SHISA6: variants seen among roughly 807,000 people sequenced by gnomAD.
The protein encoded by SHISA6 is shisa family member 6, also known as protein shisa-6.
A neutral mutation model predicts 47.9 loss-of-function variants in SHISA6; 22 were observed. The observed-to-expected ratio is 0.46, with a 90% CI of 0.33 to 0.66. The LOEUF is 0.66. Ranked by LOEUF, SHISA6 falls within the 30% of genes least tolerant of loss-of-function variation. The pLI is 0.02. For synonymous variants in SHISA6, 388 were observed against 337.8 expected (o/e 1.15, Z -1.63); for missense variants, 680 against 764.6 (o/e 0.89, Z 1.30).
chr17:11,296,142 C>A (rs1256621858), intron 2 of SHISA6, among the ~76,000 whole-genome samples: 2 of 152,026 alleles, frequency 1.3e-5, no homozygotes, highest in African/African-American at 4.8e-5. Flanking sequence ...GAGGCCAGGG[C>A]ATGCAGAATT....
intron 3 of SHISA6, among the ~76,000 whole-genome samples, chr17:11,502,818 C>T (rs1337336432): frequency 2.6e-5 from 4 of 152,194 alleles, no homozygotes; most frequent in African/African-American, 9.7e-5. Context: ...TCATGCTCAC[C>T]TTTGTATGCA....
At chr17:11,369,017 A>G (rs1473455779) in intron 2 of SHISA6, among the ~76,000 whole-genome samples, 1 of 152,178 alleles carries the variant, frequency 6.6e-6, no homozygotes, top group African/African-American at 2.4e-5. Context: ...TTCCCATTTT[A>G]CAGATGAAGA....
chr17:11,450,997 A>G (rs933865772), intron 3 of SHISA6, among the ~76,000 whole-genome samples: 1 of 121,802 alleles, frequency 8.2e-6, no homozygotes, highest in Non-Finnish European at 1.8e-5. Flanking sequence ...TAGAAAATTA[A>G]AAAAAAAAAA....
At chr17:11,297,262 T>C (rs1018673326) in intron 2 of SHISA6, among the ~76,000 whole-genome samples, 3 of 151,992 alleles carry the variant, frequency 2.0e-5, no homozygotes, top group African/African-American at 7.3e-5. Context: ...CCAAGAGAAG[T>C]TGAGTGTATT....
intron 3 of SHISA6, among the ~76,000 whole-genome samples, chr17:11,416,095 AC>A (rs1597502463): frequency 6.6e-6 from 1 of 152,044 alleles, no homozygotes; most frequent in South Asian, 2.1e-4. Context: ...GGTGGGCTCT[AC>A]CTTCATGACT....
intron 3 of SHISA6, among the ~76,000 whole-genome samples, chr17:11,525,983 T>TG (rs1394804163): frequency 1.3e-5 from 2 of 150,550 alleles, no homozygotes; most frequent in Non-Finnish European, 2.9e-5. Flanking sequence ...CACTCCAGTC[T>TG]GGGCAACAAG....
At chr17:11,536,542 G>T (rs1490032897) in intron 3 of SHISA6, among the ~76,000 whole-genome samples, 1 of 152,120 alleles carries the variant, frequency 6.6e-6, no homozygotes, top group Non-Finnish European at 1.5e-5. Context: ...ATTGTAAGAT[G>T]GGGTGCCTGC....
At chr17:11,533,241 G>T (rs1000656773) in intron 3 of SHISA6, among the ~76,000 whole-genome samples, 1 of 152,076 alleles carries the variant, frequency 6.6e-6, no homozygotes, top group Admixed American at 6.5e-5. Flanking sequence ...CCTCCCACTT[G>T]CATTTCTATA....
chr17:11,372,714 G>A (rs187288474), intron 2 of SHISA6, among the ~76,000 whole-genome samples: 33 of 152,130 alleles, frequency 2.2e-4, no homozygotes, highest in African/African-American at 7.7e-4. Flanking sequence ...TTGAAAGTGT[G>A]TCACTGGGGT....
chr17:11,376,360 C>T (rs533556095), intron 2 of SHISA6, among the ~76,000 whole-genome samples: 6 of 150,920 alleles, frequency 4.0e-5, no homozygotes, highest in African/African-American at 7.3e-5. Flanking sequence ...CTCTGTTGCC[C>T]GGCCTGGAGT....
At chr17:11,464,125 C>T (rs974152254) in intron 3 of SHISA6, among the ~76,000 whole-genome samples, 2 of 152,036 alleles carry the variant, frequency 1.3e-5, no homozygotes, top group Non-Finnish European at 2.9e-5. Context: ...CTATGTTGCC[C>T]AGGCTGGTCT....
chr17:11,389,351 G>A (rs1913310972), intron 3 of SHISA6, among the ~76,000 whole-genome samples: 1 of 152,180 alleles, frequency 6.6e-6, no homozygotes, highest in Non-Finnish European at 1.5e-5. Context: ...GCTTGCGGAA[G>A]TTTCAGCTCT....
chr17:11,486,080 C>T (rs561061074), intron 3 of SHISA6, among the ~76,000 whole-genome samples: 1 of 152,292 alleles, frequency 6.6e-6, no homozygotes, highest in East Asian at 1.9e-4. Context: ...GGCCGCTCTT[C>T]ATTTCTACAA....
chr17:11,384,570 C>T (rs933627909), intron 3 of SHISA6, among the ~76,000 whole-genome samples: 1 of 152,114 alleles, frequency 6.6e-6, no homozygotes, highest in Non-Finnish European at 1.5e-5. Flanking sequence ...CTTTCCAGAA[C>T]CCCCACATTT....
At chr17:11,427,743 CA>C (rs1368892062) in intron 3 of SHISA6, among the ~76,000 whole-genome samples, 24 of 151,860 alleles carry the variant, frequency 1.6e-4, no homozygotes, top group Admixed American at 6.6e-4. Context: ...GTATAAGGGC[CA>C]AAAGGAGGTG....
At chr17:11,476,148 A>G (rs1916045840) in intron 3 of SHISA6, among the ~76,000 whole-genome samples, 1 of 151,950 alleles carries the variant, frequency 6.6e-6, no homozygotes, top group Admixed American at 6.6e-5. Context: ...TTTACTTTCT[A>G]GTATTAGTGA....
At chr17:11,452,891 C>T (rs1206332360) in intron 3 of SHISA6, among the ~76,000 whole-genome samples, 3 of 151,200 alleles carry the variant, frequency 2.0e-5, no homozygotes, top group Non-Finnish European at 4.4e-5. Flanking sequence ...TTTCTCCTCT[C>T]CTCCTCCTCT....
chr17:11,387,717 G>A (rs1318315021), intron 3 of SHISA6, among the ~76,000 whole-genome samples: 2 of 152,148 alleles, frequency 1.3e-5, no homozygotes, highest in Non-Finnish European at 2.9e-5. Flanking sequence ...AATAACAATG[G>A]CCAGGGACTA....
intron 3 of SHISA6, among the ~76,000 whole-genome samples, chr17:11,407,401 A>C (rs1451407887): frequency 6.6e-6 from 1 of 152,060 alleles, no homozygotes; most frequent in Non-Finnish European, 1.5e-5. Flanking sequence ...AGCATAATCA[A>C]ATTTCTCAGA....
Sources: allele counts gnomAD v4.1 joint callset (sites outside exome capture counted in the v4.1 genomes callset), GRCh38; gene constraint gnomAD v4.1.1; transcripts MANE v1.5; gene names NCBI Gene and HGNC (gene_info 2026-07-23, HGNC 2026-07-21).